Variants in CYP51A1 observed in about 807,000 individuals in gnomAD.
CYP51A1 encodes lanosterol 14-alpha demethylase.
In CYP51A1, 45 loss-of-function variants were observed where a neutral mutation model predicts 53.5. That is an observed-to-expected ratio of 0.84 (90% CI 0.66 to 1.08). The LOEUF is 1.08. CYP51A1 is among the 50% of genes least tolerant of loss of function. The probability of loss-of-function intolerance (pLI) is 0.00; values close to 1 mark genes in which losing one functional copy is unlikely to be tolerated. For missense variants in CYP51A1, 462 were observed against 621.7 expected, an observed-to-expected ratio of 0.74 and a Z score of 2.73; for synonymous variants, 181 against 217.7, an observed-to-expected ratio of 0.83 and a Z score of 1.48.
chr7:92,126,485 A>G (rs1819803631), intron 4 of CYP51A1, 58 bp from the exon 5 acceptor site: 1 of 1,432,550 alleles, frequency 7.0e-7, no homozygotes, highest in Non-Finnish European at 9.4e-7. Context: ...AAGAAAATTG[A>G]GAATTAAAAA....
chr7:92,120,832 TA>T (rs201011446), intron 7 of CYP51A1, among the ~76,000 whole-genome samples: 14 of 150,552 alleles, frequency 9.3e-5, no homozygotes, highest in African/African-American at 2.2e-4. Context: ...AAAAGCACAT[TA>T]AAAAAAAATA....
At chr7:92,117,829 A>G (rs1210845386) in intron 8 of CYP51A1, among the ~76,000 whole-genome samples, 1 of 152,078 alleles carries the variant, frequency 6.6e-6, no homozygotes, top group Non-Finnish European at 1.5e-5. Flanking sequence ...CTCTACTAAA[A>G]TACAAAAAAT....
intron 2 of CYP51A1, among the ~76,000 whole-genome samples, chr7:92,129,756 C>T (rs888929053): frequency 6.6e-6 from 1 of 152,036 alleles, no homozygotes; most frequent in African/African-American, 2.4e-5. Context: ...AAACATAAAA[C>T]TGCAAATGTG....
At chr7:92,125,970 G>A (rs1240588000) in intron 5 of CYP51A1, among the ~76,000 whole-genome samples, 1 of 152,068 alleles carries the variant, frequency 6.6e-6, no homozygotes, top group Non-Finnish European at 1.5e-5. Context: ...ACTACAGCTG[G>A]GGCAACAGAG....
chr7:92,126,491 A>C (rs1819803756), intron 4 of CYP51A1, 64 bp from the exon 5 acceptor site: 2 of 1,387,170 alleles, frequency 1.4e-6, no homozygotes, highest in Non-Finnish European at 9.8e-7. Context: ...ATTGAGAATT[A>C]AAAACAGAAC....
chr7:92,133,018 C>A (rs548687062), intron 1 of CYP51A1, among the ~76,000 whole-genome samples: 106 of 152,280 alleles, frequency 7.0e-4, no homozygotes, highest in Middle Eastern at 3.4e-3. Flanking sequence ...AGACAAATAT[C>A]ATTTCCTTAA....
At chr7:92,125,811 C>A (rs545870204) in intron 5 of CYP51A1, among the ~76,000 whole-genome samples, 2 of 152,266 alleles carry the variant, frequency 1.3e-5, no homozygotes, top group East Asian at 3.9e-4. Flanking sequence ...GCCTGGCCAA[C>A]ATGATGAAAC....
Position 92,113,600 on chromosome 7 carries a change from A to G in CYP51A1, c.*65T>C. The G allele has an allele frequency of 1.4e-6, 2 of 1,454,544 alleles. No homozygotes were observed. Among genetic ancestry groups the G allele is most frequent in the Non-Finnish European group, 1.9e-6 (2 of 1,051,420 alleles). 90.1% of individuals were successfully genotyped at this position (1,454,544 alleles called of 1,614,324 possible). ...CTACAAGAGTTGTTTTGTACACTTC[A>G]TTCTCTTCGAATGCCTTTGTGGCTT... is the stretch of plus-strand genomic sequence containing the variant. On this transcript the variant is annotated 3_prime_UTR_variant, in exon 10 of 10. Transcript: ENST00000003100.
chr7:92,117,201 C>A lies in CYP51A1; in HGVS notation c.1194G>T (p.Gly398=). The A allele has an allele frequency of 6.2e-7, 1 of 1,612,182 alleles. No individual in the cohort carries two copies. The highest frequency in any genetic ancestry group is 8.5e-7 in the Non-Finnish European group (1 of 1,179,412). The part of the protein sequence containing the change: ...RMARTPQTVA[G]YTIPPGHQVC... The stretch of plus-strand genomic sequence containing the variant: ...CCTGATGTCCTGGAGGAATGGTATA[C>A]CCTGCCACAGTCTATAAACAAAAGC... The change falls in exon 9 of 10, where the codon GGG becomes GGT. Residue 398 remains glycine (G), a synonymous_variant. Coordinates refer to ENST00000003100, the MANE Select transcript of CYP51A1 (RefSeq NM_000786.4).
chr7:92,127,081 G>C (rs1819815645), intron 4 of CYP51A1, among the ~76,000 whole-genome samples: 1 of 152,136 alleles, frequency 6.6e-6, no homozygotes. Flanking sequence ...GTAATTATAT[G>C]TCTCACATGC....
Position 92,131,877 on chromosome 7 carries a change from A to G in CYP51A1, c.193-5T>C. ...GAAAATGTATGGAGGACTTTTCTAC[A>G]AGAGAAAAAAATAGTAAATTCAATT... On this transcript the variant is annotated splice_polypyrimidine_tract_variant and splice_region_variant and intron_variant, in intron 1 of 9. Transcript: ENST00000003100. The G allele has an allele frequency of 6.7e-7, 1 of 1,498,098 alleles. No individual in the cohort carries two copies. Among genetic ancestry groups the G allele is most frequent in the Non-Finnish European group, 9.3e-7 (1 of 1,076,400 alleles). 92.8% of individuals were successfully genotyped at this position (1,498,098 alleles called of 1,614,324 possible). A position where few individuals can be genotyped will look rare whatever the true frequency, so the allele number is the denominator to read the frequency against.
chr7:92,122,596 G>A (rs1299453406), intron 7 of CYP51A1, among the ~76,000 whole-genome samples: 3 of 152,166 alleles, frequency 2.0e-5, no homozygotes, highest in Non-Finnish European at 4.4e-5. Context: ...AAGATAACAG[G>A]AAGATGACAT....
rs764829032 is a variant in CYP51A1 at position 92,128,872 on chromosome 7, T to A, written c.468+8A>T. 2 of 1,607,660 alleles carry A rather than the reference T, an allele frequency of 1.2e-6. No individual in the cohort carries two copies. Among genetic ancestry groups the A allele is most frequent in the South Asian group, 1.1e-5 (1 of 90,418 alleles). ...TTTGTCTTTATTTATGGTAACAGTG[T>A]CACCTACTGGATTAGGCACATCGTA... On this transcript the variant is annotated splice_region_variant and intron_variant, in intron 3 of 9. Coordinates refer to ENST00000003100, the MANE Select transcript of CYP51A1 (RefSeq NM_000786.4).
Position 92,123,243 on chromosome 7 carries a change from T to C in CYP51A1, c.963A>G (p.Thr321=), listed in dbSNP as rs1819726652. ...LIGLLLAGQH[T]SSTTSAWMGF... is the part of the protein sequence containing the mutation. Reference sequence around the variant, plus strand: ...CCATCCAAGCACTAGTAGTTGAGGATGTATGCTGCCCTGCCAAGAGTAATC... The same window carrying C: ...CCATCCAAGCACTAGTAGTTGAGGACGTATGCTGCCCTGCCAAGAGTAATC... The change falls in exon 7 of 10, where the codon ACA becomes ACG. Residue 321 remains threonine (T), a synonymous_variant. Coordinates refer to ENST00000003100, the MANE Select transcript of CYP51A1 (RefSeq NM_000786.4). The C allele has an allele frequency of 6.2e-7, 1 of 1,614,106 alleles. No individual in the cohort carries two copies. Among genetic ancestry groups the C allele is most frequent in the Non-Finnish European group, 8.5e-7 (1 of 1,179,956 alleles).
chr7:92,115,504 A>T (rs776657494), intron 9 of CYP51A1, among the ~76,000 whole-genome samples: 1 of 152,216 alleles, frequency 6.6e-6, no homozygotes, highest in Non-Finnish European at 1.5e-5. Flanking sequence ...GAAGCTAGGA[A>T]GATGCAAGGA....
chr7:92,125,734 G>A (rs1017844932), intron 5 of CYP51A1, among the ~76,000 whole-genome samples: 4 of 152,178 alleles, frequency 2.6e-5, no homozygotes, highest in Admixed American at 6.5e-5. Flanking sequence ...AGTGGCTCAC[G>A]CCTGTAATCC....
At chr7:92,127,395 G>C in intron 4 of CYP51A1, 110 bp downstream of exon 4, 1 of 1,021,712 alleles carries the variant, frequency 9.8e-7, no homozygotes, top group African/African-American at 1.6e-5. Flanking sequence ...ATCTAAGGTA[G>C]TTTTACATAC....
intron 1 of CYP51A1, among the ~76,000 whole-genome samples, chr7:92,132,333 G>A (rs964148667): frequency 1.3e-5 from 2 of 152,142 alleles, no homozygotes; most frequent in African/African-American, 4.8e-5. Context: ...AAGTATTTGC[G>A]TATAACCTAT....
At chr7:92,131,621 C>G (rs1274292894) in intron 2 of CYP51A1, among the ~76,000 whole-genome samples, 153 bp downstream of exon 2, 2 of 152,102 alleles carry the variant, frequency 1.3e-5, no homozygotes, top group African/African-American at 4.8e-5. Flanking sequence ...GACACCATCT[C>G]TTAAACCAGA....
Sources: gnomAD v4.1 joint callset for allele counts (sites outside exome capture counted in the v4.1 genomes callset) on GRCh38, gnomAD v4.1.1 for gene constraint, MANE v1.5 for transcripts, NCBI Gene and HGNC (gene_info 2026-07-23, HGNC 2026-07-21) for gene names.